The following STAU2 variants were observed in gnomAD, a reference collection of about 807,000 sequenced individuals.
The protein encoded by STAU2 is staufen double-stranded RNA binding protein 2, also known as double-stranded RNA-binding protein Staufen homolog 2.
Under a neutral mutation model 65.9 loss-of-function variants are expected in STAU2, and 20 were observed. The ratio of observed to expected loss-of-function variants is 0.30; its 90% CI spans 0.21 to 0.44. STAU2 has a LOEUF of 0.44. STAU2 is among the 20% of genes least tolerant of loss of function. The probability of loss-of-function intolerance (pLI) is 1.00; values close to 1 mark genes in which losing one functional copy is unlikely to be tolerated. For synonymous variants in STAU2, 232 were observed against 233.9 expected (o/e 0.99, Z 0.07); for missense variants, 558 against 683.9 (o/e 0.82, Z 2.05).
intron 3 of STAU2, among the ~76,000 whole-genome samples, chr8:73,720,200 G>C (rs1317241036): frequency 6.7e-6 from 1 of 150,178 alleles, no homozygotes; most frequent in Non-Finnish European, 1.5e-5. Flanking sequence ...GATCACTTGA[G>C]GTCAAGGCCA....
chr8:73,693,473 T>TTAA (rs1819499712), intron 4 of STAU2, among the ~76,000 whole-genome samples: 1 of 108,960 alleles, frequency 9.2e-6, no homozygotes, highest in African/African-American at 3.4e-5. Flanking sequence ...AGACTCCGTC[T>TTAA]CAAAAAAAAA....
intron 3 of STAU2, among the ~76,000 whole-genome samples, chr8:73,722,467 C>T (rs1821750763): frequency 6.6e-6 from 1 of 152,158 alleles, no homozygotes; most frequent in Non-Finnish European, 1.5e-5. Context: ...ATTCTTTCTG[C>T]TTCTGTGTTG....
chr8:73,435,121 G>A (rs1175493721), intron 13 of STAU2, among the ~76,000 whole-genome samples: 3 of 151,866 alleles, frequency 2.0e-5, no homozygotes, highest in Admixed American at 6.5e-5. Flanking sequence ...CTGCCCTGCT[G>A]AGGTTGGTCT....
chr8:73,474,939 A>G (rs866616975), intron 13 of STAU2, among the ~76,000 whole-genome samples: 2 of 152,270 alleles, frequency 1.3e-5, no homozygotes, highest in African/African-American at 4.8e-5. Context: ...TACAGGCATG[A>G]GAAGAATAAC....
chr8:73,495,984 C>A (rs2383916), intron 13 of STAU2, among the ~76,000 whole-genome samples: 83,573 of 151,012 alleles, frequency 0.55, 24,698 homozygotes, highest in East Asian at 0.89. Context: ...CAGACACCTC[C>A]AAATAACTTG....
At chr8:73,739,252 A>T (rs999649304) in intron 2 of STAU2, among the ~76,000 whole-genome samples, 7 of 151,144 alleles carry the variant, frequency 4.6e-5, no homozygotes, top group Non-Finnish European at 1.0e-4. Flanking sequence ...AAAAAAAAAA[A>T]TTTTAATTTG....
chr8:73,554,287 T>G lies in STAU2; in HGVS notation c.1223-1968A>C, dbSNP rs145184196. ...CTGAAAGCTGAAGCTTTTCAACAGT[T>G]AGCTTTGTGCTGGGCTGAGCAGGGG... On this transcript the variant is annotated intron_variant, in intron 12 of 14. Coordinates refer to ENST00000524300, the MANE Select transcript of STAU2 (RefSeq NM_001164380.2). 5.9e-4 allele frequency among the ~76,000 whole-genome samples: 90 copies of G among 152,356 alleles called. 1 individual carries two copies. In the East Asian group the frequency reaches 0.016, roughly 27 times the overall value.
chr8:73,459,540 C>A (rs1051456528), intron 13 of STAU2, among the ~76,000 whole-genome samples: 11 of 152,154 alleles, frequency 7.2e-5, no homozygotes, highest in Admixed American at 7.2e-4. Context: ...TTACCCTTCA[C>A]CCTGTCAGGA....
At chr8:73,493,826 T>C (rs554633857) in intron 13 of STAU2, among the ~76,000 whole-genome samples, 3 of 151,834 alleles carry the variant, frequency 2.0e-5, no homozygotes, top group Non-Finnish European at 3.0e-5. Context: ...AGTTAAAAAA[T>C]GGAAACAGTT....
At chr8:73,719,282 G>A (rs1017256280) in intron 3 of STAU2, among the ~76,000 whole-genome samples, 2 of 151,910 alleles carry the variant, frequency 1.3e-5, no homozygotes, top group African/African-American at 2.4e-5. Context: ...GCGGGTGTCT[G>A]TAGTCCCAGC....
At chr8:73,632,261 A>G (rs1336689865) in intron 6 of STAU2, among the ~76,000 whole-genome samples, 1 of 151,656 alleles carries the variant, frequency 6.6e-6, no homozygotes, top group Non-Finnish European at 1.5e-5. Context: ...AGTTCAGTAC[A>G]TTAAAAAAAA....
intron 6 of STAU2, among the ~76,000 whole-genome samples, chr8:73,622,140 T>G (rs1292172924): frequency 3.4e-5 from 2 of 58,836 alleles, no homozygotes; most frequent in South Asian, 7.0e-4. Flanking sequence ...TTTTTTTTTT[T>G]TTTTTGAGAC....
In STAU2 at chr8:73,434,083, C is replaced by T. The variant is rs1817522292; in HGVS notation, c.1531-11381G>A. Among the ~76,000 whole-genome samples, 5 of 151,844 alleles carry T rather than the reference C, an allele frequency of 3.3e-5. 1 individual carries two copies. The South Asian group carries it at 1.0e-3, about 31-fold the overall frequency. ...GTTCTCCCGGGGTCCACTGCAATGA[C>T]ACAAGTGCTTAAAGTCAGAGAACAT... is the stretch of plus-strand genomic sequence containing the variant. On this transcript the variant is annotated intron_variant, in intron 13 of 14. Transcript: ENST00000524300.
At chr8:73,598,954 A>C (rs891945647) in intron 10 of STAU2, among the ~76,000 whole-genome samples, 2 of 148,260 alleles carry the variant, frequency 1.3e-5, no homozygotes, top group African/African-American at 5.3e-5. Context: ...CATAGAAAAC[A>C]AAGTCTTATT....
At chr8:73,708,973 G>C in intron 4 of STAU2, 59 bp downstream of exon 4, 1 of 1,408,530 alleles carries the variant, frequency 7.1e-7, no homozygotes, top group Non-Finnish European at 9.2e-7. Context: ...ATTAAAATCT[G>C]AGATGATAAA....
chr8:73,603,611 A>C, intron 10 of STAU2, 115 bp downstream of exon 10: 1 of 1,356,880 alleles, frequency 7.4e-7, no homozygotes, highest in Non-Finnish European at 9.9e-7. Context: ...TGAATGCTTT[A>C]ACTGGAAACA....
At chr8:73,563,258 G>T (rs1808367450) in intron 12 of STAU2, among the ~76,000 whole-genome samples, 1 of 152,170 alleles carries the variant, frequency 6.6e-6, no homozygotes, top group Admixed American at 6.5e-5. Context: ...TAGCCCCGTG[G>T]TGTCAGTGGA....
chr8:73,686,045 C>T (rs1407690044), intron 5 of STAU2, among the ~76,000 whole-genome samples: 1 of 151,928 alleles, frequency 6.6e-6, no homozygotes, highest in African/African-American at 2.4e-5. Flanking sequence ...TAAGTAAAGT[C>T]ACACAGGAAT....
At chr8:73,479,035 C>T (rs4738366) in intron 13 of STAU2, among the ~76,000 whole-genome samples, 32,563 of 151,944 alleles carry the variant, frequency 0.21, 4,133 homozygotes, top group East Asian at 0.54. Flanking sequence ...TGAACCCATG[C>T]CCCAGAGTCA....
Sources: allele counts gnomAD v4.1 joint callset (sites outside exome capture counted in the v4.1 genomes callset), GRCh38; gene constraint gnomAD v4.1.1; transcripts MANE v1.5; gene names NCBI Gene and HGNC (gene_info 2026-07-23, HGNC 2026-07-21).